The following PHEX variants were observed in gnomAD, a reference collection of about 807,000 sequenced individuals.
PHEX encodes the protein phosphate regulating endopeptidase X-linked, also known as phosphate-regulating neutral endopeptidase PHEX.
PHEX carries 16 observed loss-of-function variants against 68.0 expected under a neutral mutation model. The observed-to-expected ratio is 0.24, with a 90% CI of 0.16 to 0.36. The LOEUF (loss-of-function observed/expected upper bound fraction) is 0.36. Ranked by LOEUF, PHEX falls within the 10% of genes least tolerant of loss-of-function variation. The pLI, the probability that PHEX is intolerant of heterozygous loss-of-function variation, is 1.00. For missense variants in PHEX, 480 were observed against 575.5 expected (o/e 0.83, Z 1.70); for synonymous variants, 208 against 205.1 (o/e 1.01, Z -0.12).
intron 20 of PHEX, among the ~76,000 whole-genome samples, chrX:22,242,339 C>G (rs1471841643): frequency 8.9e-6 from 1 of 111,820 alleles, no homozygotes; most frequent in Non-Finnish European, 1.9e-5. Flanking sequence ...TGGGCAAAAA[C>G]TGGAAGCATT....
intron 5 of PHEX, 79 bp downstream of exon 5, chrX:22,077,781 A>G: frequency 1.5e-6 from 1 of 676,383 alleles, no homozygotes; most frequent in Non-Finnish European, 2.5e-6. Context: ...AAAGAGACTC[A>G]TGCTGCCTTA....
At chrX:22,238,917 G>A (rs940239499) in intron 20 of PHEX, among the ~76,000 whole-genome samples, 1 of 111,696 alleles carries the variant, frequency 9.0e-6, no homozygotes, top group African/African-American at 3.3e-5. Context: ...CCGGACCCCC[G>A]TGTATCCTGG....
At chrX:22,170,340 T>C (rs1287899944) in intron 13 of PHEX, among the ~76,000 whole-genome samples, 2 of 110,848 alleles carry the variant, frequency 1.8e-5, no homozygotes, top group Non-Finnish European at 3.8e-5. Flanking sequence ...GACAGTTTGA[T>C]GTAGAGGTTA....
chrX:22,168,243 T>C, intron 12 of PHEX, 69 bp from the exon 13 acceptor site: 1 of 812,738 alleles, frequency 1.2e-6, no homozygotes, highest in Non-Finnish European at 1.9e-6. Flanking sequence ...GGCGCATTTC[T>C]ACATCTTGTG....
chrX:22,108,233 C>T (rs757525519), intron 9 of PHEX, among the ~76,000 whole-genome samples: 35 of 111,797 alleles, frequency 3.1e-4, no homozygotes, highest in African/African-American at 1.0e-3. Flanking sequence ...TAGGGGAATG[C>T]GCATATCCTA....
chrX:22,103,469 C>G (rs1930520170), intron 9 of PHEX, among the ~76,000 whole-genome samples: 2 of 110,683 alleles, frequency 1.8e-5, no homozygotes, highest in Admixed American at 1.9e-4. Context: ...CCACTCTCCC[C>G]CTGAGTCCCC....
At chrX:22,062,451 T>G (rs1453707334) in intron 3 of PHEX, among the ~76,000 whole-genome samples, 1 of 110,362 alleles carries the variant, frequency 9.1e-6, no homozygotes, top group Non-Finnish European at 1.9e-5. Context: ...AAAATACTGT[T>G]ATTTCTACAT....
intron 3 of PHEX, among the ~76,000 whole-genome samples, chrX:22,072,710 A>G (rs919985078): frequency 6.2e-5 from 7 of 112,257 alleles, no homozygotes; most frequent in African/African-American, 1.9e-4. Flanking sequence ...GTATTTTACC[A>G]TAGAGGATGT....
At chrX:22,140,392 C>G (rs1932406123) in intron 12 of PHEX, among the ~76,000 whole-genome samples, 1 of 111,761 alleles carries the variant, frequency 8.9e-6, no homozygotes, top group Non-Finnish European at 1.9e-5. Flanking sequence ...ACATCTGTCC[C>G]CAGGAACTAC....
At position 22,106,050 on chromosome X, in the gene PHEX, G is replaced by A. The variant is rs952072611; in HGVS notation, c.1080-5417G>A. Among the ~76,000 whole-genome samples the A allele has an allele frequency of 3.7e-5, 4 of 109,410 alleles. No individual in the cohort carries two copies. In the Admixed American group the frequency reaches 4.0e-4, roughly 11 times the overall value. On this transcript the variant is annotated intron_variant, in intron 9 of 21. Coordinates refer to ENST00000379374, the MANE Select transcript of PHEX (RefSeq NM_000444.6). ...CTCTGTTTGATTTATTGCCACTTGG[G>A]GAAATTACCATATGGCTGAAAATGT... is the stretch of plus-strand genomic sequence containing the variant.
chrX:22,045,171 G>T (rs1045093408), intron 2 of PHEX, among the ~76,000 whole-genome samples: 2 of 111,416 alleles, frequency 1.8e-5, no homozygotes, highest in Non-Finnish European at 3.8e-5. Flanking sequence ...CTAGGCTGGA[G>T]AAATATCTAG....
chrX:22,077,787 C>A (rs1929225872), intron 5 of PHEX, 85 bp downstream of exon 5: 3 of 654,581 alleles, frequency 4.6e-6, no homozygotes, highest in Non-Finnish European at 7.7e-6. Flanking sequence ...ACTCATGCTG[C>A]CTTAGTGAAA....
In PHEX at chrX:22,093,794, G is replaced by A. The variant is rs6528089; in HGVS notation, c.733-189G>A. 0.089 allele frequency among the ~76,000 whole-genome samples: 9,988 copies of A among 111,680 alleles called. 640 individuals carry two copies. Among genetic ancestry groups the A allele is most frequent in the African/African-American group, 0.22 (6,867 of 30,600 alleles). On this transcript the variant is annotated intron_variant, in intron 6 of 21. Coordinates refer to ENST00000379374, the MANE Select transcript of PHEX (RefSeq NM_000444.6). ...TCATGGAAACAGTACTCAAGTAGCC[G>A]TCACTCTTTTTTTCTCCCAAAGTGT... is the stretch of plus-strand genomic sequence containing the variant.
chrX:22,066,659 A>C (rs1307869041), intron 3 of PHEX, among the ~76,000 whole-genome samples: 3 of 111,555 alleles, frequency 2.7e-5, no homozygotes, highest in Non-Finnish European at 5.7e-5. Flanking sequence ...CCTTACCCCT[A>C]ATCACTCACT....
intron 12 of PHEX, 129 bp downstream of exon 12, chrX:22,133,753 G>C (rs896435357): frequency 3.9e-6 from 2 of 515,873 alleles, no homozygotes; most frequent in Admixed American, 3.1e-5. Context: ...AGAGTTAGCT[G>C]TCTGCTTTTG....
At chrX:22,191,848 A>G (rs1470411603) in intron 15 of PHEX, among the ~76,000 whole-genome samples, 2 of 112,560 alleles carry the variant, frequency 1.8e-5, no homozygotes, top group Non-Finnish European at 3.7e-5. Context: ...TGGCATATTC[A>G]CACAAAGGAA....
At chrX:22,119,126 G>A (rs1931372168) in intron 11 of PHEX, among the ~76,000 whole-genome samples, 1 of 111,003 alleles carries the variant, frequency 9.0e-6, no homozygotes, top group Admixed American at 9.5e-5. Flanking sequence ...GCGTGATCTC[G>A]GCTCACTGCC....
At chrX:22,109,140 AGGCTGGTATGCCAT>A (rs1211074278) in intron 9 of PHEX, among the ~76,000 whole-genome samples, 1 of 111,661 alleles carries the variant, frequency 9.0e-6, no homozygotes, top group African/African-American at 3.3e-5. Flanking sequence ...CCCTTCTCCC[AGGCTGGTATGCCAT>A]GTTGGTTAGC....
At chrX:22,172,807 C>T (rs888079999) in intron 13 of PHEX, 2 of 111,593 alleles carry the variant, frequency 1.8e-5, no homozygotes, top group Admixed American at 9.5e-5. Context: ...CTATTAAGGA[C>T]GTTACTAAGG....
Sources: allele counts gnomAD v4.1 joint callset (sites outside exome capture counted in the v4.1 genomes callset), GRCh38; gene constraint gnomAD v4.1.1; transcripts MANE v1.5; gene names NCBI Gene and HGNC (gene_info 2026-07-23, HGNC 2026-07-21).